Variants in MED12L observed in about 807,000 individuals in gnomAD.
MED12L encodes mediator complex subunit 12L, also known as mediator of RNA polymerase II transcription subunit 12-like protein.
A neutral mutation model predicts 281.3 loss-of-function variants in MED12L; 60 were observed. That is an observed-to-expected ratio of 0.21 (90% CI 0.17 to 0.26). MED12L has a LOEUF of 0.26. MED12L is among the 10% of genes least tolerant of loss of function. MED12L has a pLI of 1.00. For missense variants in MED12L, 2,146 were observed against 2,680.9 expected (o/e 0.80, Z 4.41); for synonymous variants, 974 against 987.2 (o/e 0.99, Z 0.25).
intron 16 of MED12L, among the ~76,000 whole-genome samples, chr3:151,201,898 G>A (rs1381828188): frequency 1.3e-5 from 2 of 152,154 alleles, no homozygotes; most frequent in African/African-American, 4.8e-5. Context: ...AACATAATGT[G>A]TTTCTTTAAG....
intron 21 of MED12L, among the ~76,000 whole-genome samples, chr3:151,362,357 C>T (rs924141438): frequency 1.2e-4 from 18 of 152,010 alleles, no homozygotes; most frequent in African/African-American, 4.4e-4. Flanking sequence ...TCTTCCACCC[C>T]TTTCCCTCTG....
chr3:151,224,369 G>A (rs1199024002), intron 16 of MED12L, among the ~76,000 whole-genome samples: 2 of 151,174 alleles, frequency 1.3e-5, no homozygotes, highest in East Asian at 3.9e-4. Context: ...ATAGATGTAT[G>A]TAATCATTTA....
chr3:151,119,645 A>G (rs1174981454), intron 3 of MED12L, among the ~76,000 whole-genome samples: 3 of 152,198 alleles, frequency 2.0e-5, no homozygotes, highest in Non-Finnish European at 2.9e-5. Context: ...GAGAGTATGA[A>G]TGCTTTATGT....
chr3:151,365,580 C>T (rs780792783), intron 22 of MED12L, among the ~76,000 whole-genome samples: 5 of 152,130 alleles, frequency 3.3e-5, no homozygotes, highest in Non-Finnish European at 5.9e-5. Flanking sequence ...TAAATCGTAG[C>T]TCAGATTTAT....
At chr3:151,258,547 C>G (rs1374206717) in intron 16 of MED12L, among the ~76,000 whole-genome samples, 1 of 152,146 alleles carries the variant, frequency 6.6e-6, no homozygotes, top group Non-Finnish European at 1.5e-5. Flanking sequence ...TGCTAAATCT[C>G]TAGGGCTGTG....
chr3:151,117,597 C>T (rs940808003), intron 3 of MED12L, among the ~76,000 whole-genome samples: 7 of 151,924 alleles, frequency 4.6e-5, no homozygotes, highest in Non-Finnish European at 7.4e-5. Context: ...TCATTTATTC[C>T]GCCTTACAAC....
chr3:151,119,309 G>A (rs915642528), intron 3 of MED12L, among the ~76,000 whole-genome samples: 21 of 142,790 alleles, frequency 1.5e-4, no homozygotes, highest in African/African-American at 5.8e-4. Context: ...AAATACTTCA[G>A]ACTGGGTGTC....
At chr3:151,328,272 C>T (rs1170956423) in intron 16 of MED12L, 6 of 1,613,922 alleles carry the variant, frequency 3.7e-6, no homozygotes, top group Non-Finnish European at 4.2e-6. Flanking sequence ...AAGAAGACAG[C>T]CACGACAACA....
intron 25 of MED12L, among the ~76,000 whole-genome samples, chr3:151,368,742 T>G (rs150285637): frequency 0.011 from 1,342 of 127,784 alleles, 84 homozygotes; most frequent in East Asian, 0.083. Context: ...TTCATTTCAT[T>G]TCATTTCATG....
intron 16 of MED12L, among the ~76,000 whole-genome samples, chr3:151,230,487 G>A (rs145503183): frequency 2.6e-5 from 4 of 151,372 alleles, no homozygotes; most frequent in East Asian, 3.9e-4. Flanking sequence ...CTCCTTTCTC[G>A]TTATACTATA....
intron 16 of MED12L, among the ~76,000 whole-genome samples, chr3:151,267,258 C>T (rs1363433853): frequency 6.6e-6 from 1 of 152,016 alleles, no homozygotes; most frequent in East Asian, 1.9e-4. Flanking sequence ...AAGGATTGTA[C>T]ATTGTCATTT....
intron 21 of MED12L, among the ~76,000 whole-genome samples, chr3:151,361,529 G>A (rs1279657286): frequency 6.6e-6 from 1 of 152,090 alleles, no homozygotes; most frequent in Non-Finnish European, 1.5e-5. Flanking sequence ...GATAATGATA[G>A]TAGTATTTGA....
At chr3:151,257,264 T>A (rs942353645) in intron 16 of MED12L, among the ~76,000 whole-genome samples, 3 of 152,250 alleles carry the variant, frequency 2.0e-5, no homozygotes, top group African/African-American at 7.2e-5. Context: ...CCAGTTGGCA[T>A]GTTGTAGTTT....
chr3:151,095,682 C>T (rs1035387868), intron 2 of MED12L, among the ~76,000 whole-genome samples: 5 of 152,180 alleles, frequency 3.3e-5, no homozygotes, highest in African/African-American at 1.2e-4. Context: ...GCTACTTCAA[C>T]ATGATTATTA....
intron 16 of MED12L, among the ~76,000 whole-genome samples, chr3:151,293,050 G>A (rs1194236283): frequency 1.3e-5 from 2 of 152,130 alleles, no homozygotes; most frequent in African/African-American, 2.4e-5. Flanking sequence ...TTTGATAGAA[G>A]TCCTCAGATA....
At chr3:151,289,519 T>A (rs1743974407) in intron 16 of MED12L, among the ~76,000 whole-genome samples, 1 of 152,190 alleles carries the variant, frequency 6.6e-6, no homozygotes, top group Admixed American at 6.5e-5. Context: ...GCTTTCTGTG[T>A]TACGAAAGAT....
intron 4 of MED12L, among the ~76,000 whole-genome samples, chr3:151,125,208 T>A (rs777461233): frequency 6.6e-6 from 1 of 152,208 alleles, no homozygotes. Context: ...TTTTTCTTTT[T>A]GAGTGGGCCC....
rs780489513 is a variant in MED12L, at chr3:151,338,679, T to C, written c.2251-11380T>C. 3.1e-6 allele frequency: 5 copies of C among 1,613,636 alleles called. No homozygotes were observed. The South Asian group carries it at 4.4e-5, about 14-fold the overall frequency. On this transcript the variant is annotated intron_variant, in intron 16 of 44. Coordinates refer to ENST00000687756, the MANE Select transcript of MED12L (RefSeq NM_001393769.1). Reference sequence around the variant, plus strand: ...CTTAAGAAAAATAATAAAGTTTGATTTACTCCGGATTTGAAAGAAAATCCT... The same window carrying C: ...CTTAAGAAAAATAATAAAGTTTGATCTACTCCGGATTTGAAAGAAAATCCT...
At position 151,368,339 on chromosome 3, in the gene MED12L, T is replaced by A. The variant is rs561271493; in HGVS notation, c.3550+88T>A. 91 of 1,173,422 alleles carry A rather than the reference T, an allele frequency of 7.8e-5. No individual in the cohort carries two copies. In the African/African-American group the frequency reaches 1.2e-3, roughly 16 times the overall value. The allele number at this position is 1,173,422 out of a possible 1,614,324, so 72.7% of individuals were successfully genotyped here. ...CAAATAGGCTGTCCCTTTCTGTAAT[T>A]GCCTTCTTAATTTTTTGGGCATGCC... On this transcript the variant is annotated intron_variant, in intron 25 of 44. Transcript: ENST00000687756.
Sources: gnomAD v4.1 joint callset for allele counts (sites outside exome capture counted in the v4.1 genomes callset) on GRCh38, gnomAD v4.1.1 for gene constraint, MANE v1.5 for transcripts, NCBI Gene and HGNC (gene_info 2026-07-23, HGNC 2026-07-21) for gene names.